The following SGSM1 variants were observed in gnomAD, a reference collection of about 807,000 sequenced individuals.
The protein encoded by SGSM1 is RUN and TBC1 domain containing 2.
A neutral mutation model predicts 133.8 loss-of-function variants in SGSM1; 73 were observed. That is an observed-to-expected ratio of 0.55 (90% CI 0.45 to 0.66). The LOEUF (loss-of-function observed/expected upper bound fraction) is 0.66, where lower values mean the gene tolerates loss of function less well. Ranked by LOEUF, SGSM1 falls within the 30% of genes least tolerant of loss-of-function variation. The probability of loss-of-function intolerance (pLI) is 0.00; values close to 1 mark genes in which losing one functional copy is unlikely to be tolerated. For missense variants in SGSM1, 1,213 were observed against 1,448.1 expected, an observed-to-expected ratio of 0.84 and a Z score of 2.64; for synonymous variants, 563 against 573.0, an observed-to-expected ratio of 0.98 and a Z score of 0.25.
At chr22:24,881,984 GT>G (rs1183068598) in intron 14 of SGSM1, among the ~76,000 whole-genome samples, 8 of 152,166 alleles carry the variant, frequency 5.3e-5, no homozygotes, top group African/African-American at 1.7e-4. Context: ...TTGATGCCCT[GT>G]CAGCATCTCC....
chr22:24,857,394 C>G (rs1430316829), intron 8 of SGSM1, among the ~76,000 whole-genome samples: 1 of 119,394 alleles, frequency 8.4e-6, no homozygotes, highest in African/African-American at 3.4e-5. Flanking sequence ...GGCAACAGAG[C>G]GAGACTCTGT....
chr22:24,838,860 CTGTT>C lies in SGSM1; in HGVS notation c.64-6034_64-6031del, dbSNP rs1399207679. 1.1e-4 allele frequency among the ~76,000 whole-genome samples: 17 copies of C among 149,838 alleles called. No homozygotes were observed. In the South Asian group the frequency reaches 3.2e-3, roughly 28 times the overall value. On this transcript the variant is annotated intron_variant, in intron 2 of 24. Transcript: ENST00000400358. ...GATTTTTCAAGAATATTTTTCAAGA[CTGTT>C]TGATAGTCAGGGTTCCATGAGATGT...
rs55876996 is a variant in SGSM1, at chr22:24,915,229, A to AAAATAAATAAATAAATAAAT, written c.2929-2421_2929-2402dup. Reference sequence around the variant, plus strand: ...GGGCGACAGAGCGAGACTCCGTCTCAAAATAAATAAATAAATAAATAAATA... The same window carrying AAAATAAATAAATAAATAAAT: ...GGGCGACAGAGCGAGACTCCGTCTCAAAATAAATAAATAAATAAATAAATAAATAAATAAATAAATAAATA... On this transcript the variant is annotated intron_variant, in intron 22 of 24. Transcript: ENST00000400358. Among the ~76,000 whole-genome samples, 742 of 151,178 alleles carry AAAATAAATAAATAAATAAAT rather than the reference A, an allele frequency of 4.9e-3. 6 individuals are homozygous for AAAATAAATAAATAAATAAAT. The highest frequency in any genetic ancestry group is 0.017 in the African/African-American group (690 of 40,980).
chr22:24,823,597 T>A (rs1388899277), intron 2 of SGSM1, among the ~76,000 whole-genome samples: 1 of 146,008 alleles, frequency 6.8e-6, no homozygotes, highest in East Asian at 2.1e-4. Context: ...CGAGACTCCA[T>A]CTCAAAAATA....
At chr22:24,883,761 AG>A (rs1932454237) in intron 14 of SGSM1, among the ~76,000 whole-genome samples, 1 of 152,192 alleles carries the variant, frequency 6.6e-6, no homozygotes, top group Non-Finnish European at 1.5e-5. Flanking sequence ...GTTCGAGGCC[AG>A]CCTGGGCAAG....
intron 9 of SGSM1, among the ~76,000 whole-genome samples, chr22:24,860,711 G>T (rs1284555017): frequency 6.6e-6 from 1 of 150,494 alleles, no homozygotes; most frequent in African/African-American, 2.5e-5. Flanking sequence ...GACCAGCCTG[G>T]CCAACATGGT....
In SGSM1 at chr22:24,924,972, A is replaced by G. The variant is rs531799647; in HGVS notation, c.*698A>G. ...GCAAAATTGCCCCCATTTGAGAACC[A>G]CTGGCTTGGAGAAGGGACTACAAAT... is the stretch of plus-strand genomic sequence containing the variant. On this transcript the variant is annotated 3_prime_UTR_variant, in exon 25 of 25. Transcript: ENST00000400358. The G allele has an allele frequency of 5.1e-4, 78 of 152,300 alleles. 1 individual carries two copies. The highest frequency in any genetic ancestry group is 6.2e-4 in the South Asian group (3 of 4,826). 9.4% of individuals were successfully genotyped at this position (152,300 alleles called of 1,614,324 possible). A position where few individuals can be genotyped will look rare whatever the true frequency, so the allele number is the denominator to read the frequency against.
chr22:24,884,676 A>C (rs867519210), intron 15 of SGSM1, among the ~76,000 whole-genome samples: 18 of 152,208 alleles, frequency 1.2e-4, no homozygotes, highest in Admixed American at 2.6e-4. Context: ...CGGAATGTGA[A>C]TAGATGAGGG....
Position 24,839,719 on chromosome 22 carries a change from G to A in SGSM1, c.64-5178G>A, listed in dbSNP as rs1211451955. On this transcript the variant is annotated intron_variant, in intron 2 of 24. Coordinates refer to ENST00000400358, the MANE Select transcript of SGSM1 (RefSeq NM_001098497.3). Reference sequence around the variant, plus strand: ...TCATGATTTAGTTTGTATATTGTGTGTTTCTAAGAATTTATTCATCTTATC... The same window carrying A: ...TCATGATTTAGTTTGTATATTGTGTATTTCTAAGAATTTATTCATCTTATC... Among the ~76,000 whole-genome samples the A allele has an allele frequency of 7.2e-5, 11 of 152,088 alleles. 1 individual carries two copies.
chr22:24,902,417 C>G (rs958878395), intron 20 of SGSM1, among the ~76,000 whole-genome samples: 4 of 152,194 alleles, frequency 2.6e-5, no homozygotes, highest in African/African-American at 9.7e-5. Flanking sequence ...CTTTGGGAAG[C>G]TGACGTGGGA....
At chr22:24,908,694 C>T (rs113522643) in intron 21 of SGSM1, among the ~76,000 whole-genome samples, 2,280 of 151,436 alleles carry the variant, frequency 0.015, 60 homozygotes, top group African/African-American at 0.053. Context: ...CCCAGCTACT[C>T]GGGAGGCTGA....
At chr22:24,848,229 G>A (rs1930266046) in intron 4 of SGSM1, among the ~76,000 whole-genome samples, 1 of 151,578 alleles carries the variant, frequency 6.6e-6, no homozygotes, top group Non-Finnish European at 1.5e-5. Context: ...AAGCATCCGG[G>A]CCAGTGTCTA....
At chr22:24,843,639 G>A (rs1055243068) in intron 2 of SGSM1, 3 of 152,208 alleles carry the variant, frequency 2.0e-5, no homozygotes, top group African/African-American at 2.4e-5. Flanking sequence ...GAGAGGAGAC[G>A]GACTTTGCTT....
intron 16 of SGSM1, among the ~76,000 whole-genome samples, chr22:24,891,019 A>C (rs1932806150): frequency 6.6e-6 from 1 of 152,232 alleles, no homozygotes; most frequent in East Asian, 1.9e-4. Context: ...GGAAACTATA[A>C]AAATAGAGTG....
In SGSM1 at chr22:24,858,635, C is replaced by CAAAAAAAAAAAA. The variant is rs139699; in HGVS notation, c.802-1071_802-1060dup. 5.7e-3 allele frequency among the ~76,000 whole-genome samples: 470 copies of CAAAAAAAAAAAA among 82,928 alleles called. 10 individuals are homozygous for CAAAAAAAAAAAA. Among genetic ancestry groups the CAAAAAAAAAAAA allele is most frequent in the African/African-American group, 0.016 (445 of 27,864 alleles). The allele number at this position is 82,928 out of a possible 152,430, so 54.4% of individuals were successfully genotyped here. ...TTGGCAACAGAGCGAGACTCCATCT[C>CAAAAAAAAAAAA]AAAAAAAAAAAAAAAAAAAAAGAAG... On this transcript the variant is annotated intron_variant, in intron 8 of 24. Coordinates refer to ENST00000400358, the MANE Select transcript of SGSM1 (RefSeq NM_001098497.3).
At chr22:24,922,179 C>CTTTTTTTTTTTT (rs140795501) in intron 24 of SGSM1, among the ~76,000 whole-genome samples, 2 of 106,842 alleles carry the variant, frequency 1.9e-5, no homozygotes, top group African/African-American at 4.1e-5. Context: ...CACTTACTTT[C>CTTTTTTTTTTTT]TTTTTTTTTT....
chr22:24,844,711 T>C, intron 2 of SGSM1, 186 bp from the exon 3 acceptor site: 1 of 571,990 alleles, frequency 1.7e-6, no homozygotes, highest in Non-Finnish European at 3.1e-6. Context: ...ATGAGAAGCA[T>C]GGAGCTGTGA....
At chr22:24,819,657 C>T (rs1294441161) in intron 2 of SGSM1, among the ~76,000 whole-genome samples, 1 of 152,184 alleles carries the variant, frequency 6.6e-6, no homozygotes. Flanking sequence ...TCCCATTTTA[C>T]AGATAAGTAC....
chr22:24,884,453 A>G (rs539994905), intron 15 of SGSM1, among the ~76,000 whole-genome samples: 4 of 152,310 alleles, frequency 2.6e-5, no homozygotes, highest in African/African-American at 9.6e-5. Flanking sequence ...AGTCTGTAGC[A>G]TTTATTATTA....
Sources: allele counts gnomAD v4.1 joint callset (sites outside exome capture counted in the v4.1 genomes callset), GRCh38; gene constraint gnomAD v4.1.1; transcripts MANE v1.5; gene names NCBI Gene and HGNC (gene_info 2026-07-23, HGNC 2026-07-21).